Variants in CACNA1D observed in about 807,000 individuals in gnomAD.
The protein encoded by CACNA1D is calcium voltage-gated channel subunit alpha1 D.
In CACNA1D, 55 loss-of-function variants were observed where a neutral mutation model predicts 257.1. That is an observed-to-expected ratio of 0.21 (90% CI 0.17 to 0.27). CACNA1D has a LOEUF of 0.27. CACNA1D is among the 10% of genes least tolerant of loss of function. CACNA1D has a pLI of 1.00. For missense variants in CACNA1D, 1,876 were observed against 2,784.0 expected (o/e 0.67, Z 7.34); for synonymous variants, 980 against 1,014.9 (o/e 0.97, Z 0.65).
At chr3:53,574,032 CA>C (rs1207337469) in intron 3 of CACNA1D, among the ~76,000 whole-genome samples, 2 of 152,156 alleles carry the variant, frequency 1.3e-5, no homozygotes, top group Admixed American at 6.5e-5. Flanking sequence ...CTTGGAGGCC[CA>C]GGGGGTCCTT....
chr3:53,684,279 G>C (rs1186394189), intron 8 of CACNA1D, among the ~76,000 whole-genome samples: 6 of 152,140 alleles, frequency 3.9e-5, no homozygotes, highest in Admixed American at 3.9e-4. Flanking sequence ...AGGTTCTTCA[G>C]GCTAGAAGAA....
chr3:53,507,657 A>T (rs966025462), intron 3 of CACNA1D, among the ~76,000 whole-genome samples: 1 of 152,208 alleles, frequency 6.6e-6, no homozygotes, highest in Admixed American at 6.5e-5. Context: ...GTTTTTTACT[A>T]TTAAAATTCC....
intron 2 of CACNA1D, among the ~76,000 whole-genome samples, chr3:53,500,534 AG>A (rs2090556663): frequency 6.6e-6 from 1 of 152,180 alleles, no homozygotes; most frequent in African/African-American, 2.4e-5. Context: ...AATGGAGAAT[AG>A]TCTGTTCGTA....
At chr3:53,535,769 A>G (rs762531442) in intron 3 of CACNA1D, among the ~76,000 whole-genome samples, 1 of 152,232 alleles carries the variant, frequency 6.6e-6, no homozygotes, top group African/African-American at 2.4e-5. Context: ...ACAAATTTCT[A>G]TTCCTTTTCT....
Position 53,673,517 on chromosome 3 carries a change from G to T in CACNA1D, c.1220+391G>T, listed in dbSNP as rs2094345364. Among the ~76,000 whole-genome samples the T allele has an allele frequency of 6.7e-6, 1 of 150,190 alleles. No homozygotes were observed. Among genetic ancestry groups the T allele is most frequent in the Admixed American group, 6.7e-5 (1 of 15,010 alleles). On this transcript the variant is annotated intron_variant, in intron 8 of 47. Coordinates refer to ENST00000350061, the MANE Select transcript of CACNA1D (RefSeq NM_001128840.3). The surrounding 1 kb of genome is among the most constrained non-coding windows in gnomAD (Gnocchi z 4.1). ...AGCTGGATTGGGTGGGCTTTTGGTA[G>T]TCCCCATTTGTAGATTTCAGCCGCT...
chr3:53,697,417 A>C (rs1397952738), intron 8 of CACNA1D, among the ~76,000 whole-genome samples: 1 of 152,236 alleles, frequency 6.6e-6, no homozygotes, highest in African/African-American at 2.4e-5. Context: ...ATGGGAAGAA[A>C]TACATGAGAA....
At position 53,770,007 on chromosome 3, in the gene CACNA1D, C is replaced by G; in HGVS notation, c.3905C>G (p.Ala1302Gly). The G allele has an allele frequency of 6.2e-7, 1 of 1,613,020 alleles. No homozygotes were observed. The highest frequency in any genetic ancestry group is 8.5e-7 in the Non-Finnish European group (1 of 1,178,928). The change falls in exon 31 of 48, where the codon GCT (alanine) becomes GGT (glycine). Residue 1302 changes from alanine to glycine, a missense_variant. By Grantham distance (60) the Ala-to-Gly change is moderately conservative (BLOSUM62 0). Coordinates refer to ENST00000350061, the MANE Select transcript of CACNA1D (RefSeq NM_001128840.3). ...TESENVPVPT[A>G]TPGNSEESNR... is the part of the protein sequence containing the mutation. ...AGTGAAAATGTCCCTGTCCCAACTGCTACACCTGGGGTAAGATCAGTGACT... is the reference window on the plus strand; with the variant it reads ...AGTGAAAATGTCCCTGTCCCAACTGGTACACCTGGGGTAAGATCAGTGACT...
rs778371783 is a variant in CACNA1D at position 53,749,329 on chromosome 3, G to A, written c.3376G>A (p.Val1126Met). ...CATCGGCCCAATCTACAACCACCGC[G>A]TGGAGATCTCCATCTTCTTCATCAT... Reference protein sequence around the residue: ...ENIGPIYNHRVEISIFFIIYI... With the variant: ...ENIGPIYNHRMEISIFFIIYI... The change falls in exon 27 of 48, where the codon GTG (valine) becomes ATG (methionine). Residue 1126 changes from valine to methionine, a missense_variant. Coordinates refer to ENST00000350061, the MANE Select transcript of CACNA1D (RefSeq NM_001128840.3). 3.7e-5 allele frequency: 60 copies of A among 1,613,424 alleles called. No homozygotes were observed. The South Asian group carries it at 3.7e-4, about 10-fold the overall frequency.
intron 29 of CACNA1D, among the ~76,000 whole-genome samples, chr3:53,758,850 C>T (rs1430980050): frequency 6.6e-6 from 1 of 152,144 alleles, no homozygotes; most frequent in South Asian, 2.1e-4. Context: ...TGTTAGGAGC[C>T]GTGTCATTTC....
chr3:53,741,844 A>AC (rs2108821055), intron 21 of CACNA1D, among the ~76,000 whole-genome samples: 1 of 152,350 alleles, frequency 6.6e-6, no homozygotes, highest in South Asian at 2.1e-4. Context: ...TTTACTCTCC[A>AC]CATTTTTTAG....
intron 3 of CACNA1D, among the ~76,000 whole-genome samples, chr3:53,571,861 G>A (rs1360244622): frequency 6.6e-6 from 1 of 152,230 alleles, no homozygotes; most frequent in Admixed American, 6.5e-5. Context: ...CGGTAGGACA[G>A]TCCAAACCAG....
chr3:53,644,846 G>A (rs1378830994), intron 3 of CACNA1D, among the ~76,000 whole-genome samples: 1 of 152,100 alleles, frequency 6.6e-6, no homozygotes, highest in African/African-American at 2.4e-5. Flanking sequence ...CCCAGAAGTG[G>A]GATCACTGCA....
chr3:53,743,241 A>G, intron 22 of CACNA1D, 124 bp downstream of exon 22: 1 of 690,748 alleles, frequency 1.4e-6, no homozygotes, highest in Non-Finnish European at 2.6e-6. Context: ...AGGTTTATTT[A>G]ATTTGCTCCC....
chr3:53,531,700 C>T (rs563864677), intron 3 of CACNA1D, among the ~76,000 whole-genome samples: 2 of 152,204 alleles, frequency 1.3e-5, no homozygotes, highest in East Asian at 3.9e-4. Context: ...TTCTGAATTA[C>T]CTTCTCCTTT....
intron 9 of CACNA1D, among the ~76,000 whole-genome samples, chr3:53,706,954 G>A (rs1249736677): frequency 4.6e-5 from 7 of 152,040 alleles, no homozygotes; most frequent in African/African-American, 1.7e-4. Context: ...TCCCTCTTAG[G>A]ACCATTGCCC....
In CACNA1D at chr3:53,652,490, T is replaced by C. The variant is rs76125018; in HGVS notation, c.623+1572T>C. Among the ~76,000 whole-genome samples, 11 of 152,022 alleles carry C rather than the reference T, an allele frequency of 7.2e-5. No individual in the cohort carries two copies. In the East Asian group the frequency reaches 2.1e-3, roughly 29 times the overall value. ...AGGGCTAAGCTACGCCTACACGGAG[T>C]TGTGAGTCCATGAGGCCAGGAAAGA... On this transcript the variant is annotated intron_variant, in intron 4 of 47. Coordinates refer to ENST00000350061, the MANE Select transcript of CACNA1D (RefSeq NM_001128840.3).
chr3:53,572,519 C>T (rs1047153749), intron 3 of CACNA1D, among the ~76,000 whole-genome samples: 2 of 152,072 alleles, frequency 1.3e-5, no homozygotes, highest in Non-Finnish European at 2.9e-5. Context: ...CCCACCTCAG[C>T]CTCCTGAGTA....
At chr3:53,767,726 T>C (rs1044666359) in intron 30 of CACNA1D, among the ~76,000 whole-genome samples, 12 of 152,296 alleles carry the variant, frequency 7.9e-5, no homozygotes, top group Admixed American at 2.0e-4. Flanking sequence ...GGCCTCCCCT[T>C]TTCATTGGGC....
intron 40 of CACNA1D, 151 bp downstream of exon 40, chr3:53,787,103 C>A: frequency 1.2e-6 from 1 of 802,428 alleles, no homozygotes; most frequent in Non-Finnish European, 2.0e-6. Context: ...TGTGGACTAG[C>A]CATTTCTGGG....
Sources: allele counts gnomAD v4.1 joint callset (sites outside exome capture counted in the v4.1 genomes callset), GRCh38; gene constraint gnomAD v4.1.1; non-coding constraint Gnocchi (gnomAD v3.1); transcripts MANE v1.5; gene names NCBI Gene and HGNC (gene_info 2026-07-23, HGNC 2026-07-21).